The following GPR158 variants were observed in gnomAD, a reference collection of about 807,000 sequenced individuals.
GPR158 encodes metabotropic glycine receptor.
GPR158 carries 30 observed loss-of-function variants against 78.2 expected under a neutral mutation model. That is an observed-to-expected ratio of 0.38 (90% CI 0.29 to 0.52). GPR158 has a LOEUF of 0.52. Ranked by LOEUF, GPR158 falls within the 20% of genes least tolerant of loss-of-function variation. The pLI is 0.83. For missense variants in GPR158, 1,463 were observed against 1,523.5 expected (o/e 0.96, Z 0.66); for synonymous variants, 581 against 591.1 (o/e 0.98, Z 0.25).
intron 4 of GPR158, among the ~76,000 whole-genome samples, chr10:25,456,742 C>T (rs1264150070): frequency 6.6e-6 from 1 of 152,048 alleles, no homozygotes; most frequent in Non-Finnish European, 1.5e-5. Context: ...TATTGAACTT[C>T]TCTAAATATA....
At chr10:25,310,166 C>T (rs1854742959) in intron 2 of GPR158, among the ~76,000 whole-genome samples, 1 of 152,132 alleles carries the variant, frequency 6.6e-6, no homozygotes, top group Non-Finnish European at 1.5e-5. Context: ...TGTCCTTTCC[C>T]TGTTGAGTAG....
intron 5 of GPR158, among the ~76,000 whole-genome samples, chr10:25,491,723 T>C (rs1188744518): frequency 6.6e-6 from 1 of 152,196 alleles, no homozygotes; most frequent in Non-Finnish European, 1.5e-5. Flanking sequence ...TAGTTCTATT[T>C]CTTATAATTG....
At chr10:25,433,570 TGCGCGCGC>T (rs71472803) in intron 4 of GPR158, among the ~76,000 whole-genome samples, 6 of 128,668 alleles carry the variant, frequency 4.7e-5, no homozygotes, top group Non-Finnish European at 8.4e-5. Flanking sequence ...TGTGTGTGTG[TGCGCGCGC>T]GCGTGCGCGT....
At chr10:25,532,897 A>T (rs962696) in intron 5 of GPR158, among the ~76,000 whole-genome samples, 4 of 151,894 alleles carry the variant, frequency 2.6e-5, no homozygotes, top group Non-Finnish European at 5.9e-5. Flanking sequence ...ACAGAAGCAT[A>T]TGCTATTACT....
At chr10:25,205,609 G>GT (rs759649490) in intron 1 of GPR158, among the ~76,000 whole-genome samples, 7 of 152,062 alleles carry the variant, frequency 4.6e-5, no homozygotes, top group Non-Finnish European at 7.4e-5. Flanking sequence ...CAGAGATCCT[G>GT]TTATGTTGCA....
At chr10:25,373,560 G>A (rs1429879271) in intron 2 of GPR158, among the ~76,000 whole-genome samples, 2 of 151,564 alleles carry the variant, frequency 1.3e-5, no homozygotes, top group East Asian at 3.9e-4. Flanking sequence ...ATGAATTTAG[G>A]GCGATAAATT....
At chr10:25,442,472 A>T (rs537906634) in intron 4 of GPR158, among the ~76,000 whole-genome samples, 17 of 152,160 alleles carry the variant, frequency 1.1e-4, no homozygotes, top group African/African-American at 3.6e-4. Flanking sequence ...TTCTCCCATT[A>T]TCTCTGTCTG....
chr10:25,387,196 T>C (rs1363992740), intron 2 of GPR158, among the ~76,000 whole-genome samples: 1 of 152,224 alleles, frequency 6.6e-6, no homozygotes, highest in Non-Finnish European at 1.5e-5. Flanking sequence ...GGTGTTGCAT[T>C]GTGTCAGATG....
At chr10:25,589,213 AATTAG>A (rs1310699114) in intron 8 of GPR158, 68 bp downstream of exon 8, 1 of 1,123,678 alleles carries the variant, frequency 8.9e-7, no homozygotes, top group African/African-American at 1.5e-5. Context: ...TAAATAACAA[AATTAG>A]ATAAGATGCA....
intron 2 of GPR158, among the ~76,000 whole-genome samples, chr10:25,259,760 T>G (rs1853943432): frequency 6.6e-6 from 1 of 152,294 alleles, no homozygotes. Flanking sequence ...CTTTAATATC[T>G]TAACTAAAGT....
rs768235753 is a variant in GPR158, at chr10:25,562,042, TG to T, written c.1515-10606del. Among the ~76,000 whole-genome samples, 27 of 150,240 alleles carry T rather than the reference TG, an allele frequency of 1.8e-4. No individual in the cohort carries two copies. The South Asian group carries it at 3.6e-3, about 20-fold the overall frequency. ...CAGAAGAATTTTTTTTTTTTTTTTT[TG>T]CAAGAAAGAGAACCATTGTATATTT... On this transcript the variant is annotated intron_variant, in intron 6 of 10. Coordinates refer to ENST00000376351, the MANE Select transcript of GPR158 (RefSeq NM_020752.3).
At chr10:25,336,322 A>C (rs947961650) in intron 2 of GPR158, among the ~76,000 whole-genome samples, 1 of 152,112 alleles carries the variant, frequency 6.6e-6, no homozygotes, top group African/African-American at 2.4e-5. Flanking sequence ...CATGACAAAT[A>C]TTATGAATAA....
intron 2 of GPR158, among the ~76,000 whole-genome samples, chr10:25,324,151 T>G (rs1297884380): frequency 6.6e-6 from 1 of 152,252 alleles, no homozygotes; most frequent in African/African-American, 2.4e-5. Flanking sequence ...TTTAATTTCC[T>G]TCAGTAACTT....
intron 7 of GPR158, among the ~76,000 whole-genome samples, chr10:25,580,052 T>C (rs1369136558): frequency 1.3e-5 from 2 of 152,212 alleles, no homozygotes; most frequent in Non-Finnish European, 2.9e-5. Flanking sequence ...ATGAGGAGTC[T>C]CATGGTTCTG....
At chr10:25,182,215 C>T (rs770079741) in intron 1 of GPR158, among the ~76,000 whole-genome samples, 8 of 152,114 alleles carry the variant, frequency 5.3e-5, no homozygotes, top group Non-Finnish European at 7.4e-5. Flanking sequence ...ATGAGAACTC[C>T]ATTTCAAAAT....
chr10:25,419,661 T>TTTGTTGTTG (rs554254283), intron 4 of GPR158, among the ~76,000 whole-genome samples: 1 of 152,036 alleles, frequency 6.6e-6, no homozygotes, highest in African/African-American at 2.4e-5. Flanking sequence ...TTTCTGTTGT[T>TTTGTTGTTG]TTGTTGTTGT....
intron 4 of GPR158, among the ~76,000 whole-genome samples, chr10:25,453,983 G>C (rs116150703): frequency 0.02 from 3,026 of 152,202 alleles, 118 homozygotes; most frequent in African/African-American, 0.069. Flanking sequence ...TTGGAATTTT[G>C]ATAGAGATTG....
chr10:25,208,817 T>C (rs904955257), intron 1 of GPR158, among the ~76,000 whole-genome samples: 2 of 151,624 alleles, frequency 1.3e-5, no homozygotes, highest in South Asian at 4.2e-4. Flanking sequence ...GGAGAGCAGG[T>C]CACTTCCTGT....
At chr10:25,351,326 C>T (rs1855467353) in intron 2 of GPR158, among the ~76,000 whole-genome samples, 1 of 151,630 alleles carries the variant, frequency 6.6e-6, no homozygotes, top group African/African-American at 2.4e-5. Flanking sequence ...CGGGTTAAGC[C>T]AGGCTGTGTG....
Sources: allele counts gnomAD v4.1 joint callset (sites outside exome capture counted in the v4.1 genomes callset), GRCh38; gene constraint gnomAD v4.1.1; transcripts MANE v1.5; gene names NCBI Gene and HGNC (gene_info 2026-07-23, HGNC 2026-07-21).